TBCK: variants seen among roughly 807,000 people sequenced by gnomAD.
The protein encoded by TBCK is TBC domain-containing protein kinase-like protein.
A neutral mutation model predicts 113.4 loss-of-function variants in TBCK; 99 were observed. That is an observed-to-expected ratio of 0.87 (90% CI 0.74 to 1.03). The LOEUF (loss-of-function observed/expected upper bound fraction) is 1.03. Among genes scored for constraint, TBCK ranks in the 50% least tolerant of loss-of-function variants. The pLI is 0.00. For synonymous variants in TBCK, 369 were observed against 370.8 expected (o/e 1.00, Z 0.05); for missense variants, 1,045 against 1,061.3 (o/e 0.98, Z 0.21).
chr4:106,255,276 G>C (rs2150076330), intron 5 of TBCK, among the ~76,000 whole-genome samples: 1 of 152,378 alleles, frequency 6.6e-6, no homozygotes, highest in East Asian at 1.9e-4. Context: ...GCCTTTGCCT[G>C]AGTTTTGCTG....
intron 24 of TBCK, among the ~76,000 whole-genome samples, chr4:106,114,199 C>A (rs925838027): frequency 6.6e-6 from 1 of 152,154 alleles, no homozygotes; most frequent in African/African-American, 2.4e-5. Context: ...TGTAGGAGAT[C>A]AGTCAGGGTG....
intron 24 of TBCK, among the ~76,000 whole-genome samples, chr4:106,107,722 G>T (rs1396049945): frequency 6.6e-6 from 1 of 152,132 alleles, no homozygotes; most frequent in Non-Finnish European, 1.5e-5. Flanking sequence ...ACAATGGAAA[G>T]AATTAGAGAA....
At chr4:106,174,253 ACTCTTTCATATTT>A (rs1751370162) in intron 22 of TBCK, among the ~76,000 whole-genome samples, 1 of 152,040 alleles carries the variant, frequency 6.6e-6, no homozygotes, top group Non-Finnish European at 1.5e-5. Flanking sequence ...ATTATTTACC[ACTCTTTCATATTT>A]ACTTCTCATT....
intron 19 of TBCK, among the ~76,000 whole-genome samples, chr4:106,215,448 A>G (rs1387608436): frequency 6.6e-6 from 1 of 152,172 alleles, no homozygotes; most frequent in Admixed American, 6.5e-5. Context: ...AAGACCCATC[A>G]GTGTGCTGTA....
chr4:106,301,933 G>A (rs899869137), intron 2 of TBCK, among the ~76,000 whole-genome samples: 1 of 152,156 alleles, frequency 6.6e-6, no homozygotes, highest in Non-Finnish European at 1.5e-5. Context: ...CTTTCACTAA[G>A]GAGACTGTTC....
In TBCK at chr4:106,212,730, T is replaced by C. The variant is rs555164883; in HGVS notation, c.1860+20A>G. 9.8e-6 allele frequency: 15 copies of C among 1,537,080 alleles called. No homozygotes were observed. In the Admixed American group the frequency reaches 1.8e-4, roughly 18 times the overall value. On this transcript the variant is annotated intron_variant, in intron 20 of 25. Transcript: ENST00000394708. ...TTTTTTTTTTTAACCACATGTTCTA[T>C]TAATGCACCAAGTACTTACATCTGG... is the stretch of plus-strand genomic sequence containing the variant.
intron 23 of TBCK, among the ~76,000 whole-genome samples, chr4:106,149,459 G>C (rs1474835788): frequency 6.6e-6 from 1 of 151,980 alleles, no homozygotes. Context: ...TCCATTATAG[G>C]GCTACTAATT....
In TBCK at chr4:106,192,821, G is replaced by A. The variant is rs140284628; in HGVS notation, c.2059+788C>T. On this transcript the variant is annotated intron_variant, in intron 22 of 25. Transcript: ENST00000394708. ...GGTTTTCAGGCAAATTTGATTCTGG[G>A]ATAATTTTAAGTGTGTTTATTATCA... 3.2e-4 allele frequency among the ~76,000 whole-genome samples: 48 copies of A among 152,072 alleles called. No individual in the cohort carries two copies. In the East Asian group the frequency reaches 6.0e-3, roughly 19 times the overall value.
At chr4:106,127,206 C>CAAA (rs35461999) in intron 23 of TBCK, among the ~76,000 whole-genome samples, 462 of 63,098 alleles carry the variant, frequency 7.3e-3, no homozygotes, top group Middle Eastern at 0.02. Context: ...GACTCCGTCT[C>CAAA]AAAAAAAAAA....
chr4:106,062,403 C>T (rs959181422), intron 25 of TBCK, among the ~76,000 whole-genome samples: 1 of 151,772 alleles, frequency 6.6e-6, no homozygotes, highest in Non-Finnish European at 1.5e-5. Flanking sequence ...TGATCTATGA[C>T]ATTTGGGAAC....
intron 20 of TBCK, among the ~76,000 whole-genome samples, chr4:106,209,569 T>TTTC (rs1256221452): frequency 1.3e-5 from 2 of 152,198 alleles, no homozygotes; most frequent in Non-Finnish European, 2.9e-5. Context: ...ATGTGTGGTA[T>TTTC]GAAGTTAGGC....
intron 3 of TBCK, among the ~76,000 whole-genome samples, chr4:106,294,388 G>A (rs1380889854): frequency 1.3e-5 from 2 of 152,032 alleles, no homozygotes; most frequent in Non-Finnish European, 2.9e-5. Flanking sequence ...ACCACTTTGG[G>A]AGGGTGAGGC....
At chr4:106,270,881 G>A (rs747374007) in intron 3 of TBCK, among the ~76,000 whole-genome samples, 1 of 152,036 alleles carries the variant, frequency 6.6e-6, no homozygotes, top group Non-Finnish European at 1.5e-5. Flanking sequence ...TATTTACCAC[G>A]TCCCTTGTAT....
intron 20 of TBCK, among the ~76,000 whole-genome samples, chr4:106,202,488 T>C (rs1406287008): frequency 1.3e-5 from 2 of 152,026 alleles, no homozygotes; most frequent in Admixed American, 6.5e-5. Flanking sequence ...ATTATAGATT[T>C]TTTGTTGTTT....
rs1760536405 is a variant in TBCK, at chr4:106,244,510, T to A, written c.1070+116A>T. 13 of 983,486 alleles carry A rather than the reference T, an allele frequency of 1.3e-5. No individual in the cohort carries two copies. The South Asian group carries it at 2.6e-4, about 20-fold the overall frequency. The allele number at this position is 983,486 out of a possible 1,614,324, so 60.9% of individuals were successfully genotyped here. ...TTAGCTGGGATGCCTACCAAAAAAA[T>A]TTTAAAAACAACCAATTTAAAAAAA... On this transcript the variant is annotated intron_variant, in intron 11 of 25. Transcript: ENST00000394708.
Position 106,179,429 on chromosome 4 carries a change from A to G in TBCK, c.2060-8159T>C, listed in dbSNP as rs866488883. 1.7e-4 allele frequency among the ~76,000 whole-genome samples: 26 copies of G among 152,076 alleles called. 1 individual carries two copies. Among genetic ancestry groups the G allele is most frequent in the Middle Eastern group, 6.8e-3 (2 of 294 alleles). The stretch of plus-strand genomic sequence containing the variant: ...TTTGCTGTATCCCATATATTTTGGT[A>G]TATTTCCATTTTCATTTGCACATTT... On this transcript the variant is annotated intron_variant, in intron 22 of 25. Coordinates refer to ENST00000394708, the MANE Select transcript of TBCK (RefSeq NM_001163435.3).
chr4:106,053,470 T>A (rs981749615), intron 25 of TBCK, among the ~76,000 whole-genome samples: 1 of 151,666 alleles, frequency 6.6e-6, no homozygotes, highest in African/African-American at 2.4e-5. Context: ...TCTCTCCTGG[T>A]TCTACTACTT....
Position 106,046,439 on chromosome 4 carries a change from G to A in TBCK, c.*131C>T, listed in dbSNP as rs1212803786. ...TGTGGGTTATGAGATTTTAAAAAAT[G>A]TCTCGTGACAAACTTTACGGAAATG... is the stretch of plus-strand genomic sequence containing the variant. On this transcript the variant is annotated 3_prime_UTR_variant, in exon 26 of 26. Transcript: ENST00000394708. 6 of 559,750 alleles carry A rather than the reference G, an allele frequency of 1.1e-5. No individual in the cohort carries two copies. Among genetic ancestry groups the A allele is most frequent in the Non-Finnish European group, 1.9e-5 (6 of 312,670 alleles). The allele number at this position is 559,750 out of a possible 1,614,324, so 34.7% of individuals were successfully genotyped here. A position where few individuals can be genotyped will look rare whatever the true frequency, so the allele number is the denominator to read the frequency against.
intron 25 of TBCK, among the ~76,000 whole-genome samples, chr4:106,059,493 C>T (rs1735797109): frequency 6.6e-6 from 1 of 151,504 alleles, no homozygotes; most frequent in African/African-American, 2.4e-5. Flanking sequence ...ATCTCAGATG[C>T]TGCTATTGTA....
Sources: allele counts gnomAD v4.1 joint callset (sites outside exome capture counted in the v4.1 genomes callset), GRCh38; gene constraint gnomAD v4.1.1; transcripts MANE v1.5; gene names NCBI Gene and HGNC (gene_info 2026-07-23, HGNC 2026-07-21).